The following PAPLN variants were observed in gnomAD, a reference collection of about 807,000 sequenced individuals.
PAPLN encodes papilin, proteoglycan like sulfated glycoprotein.
PAPLN carries 146 observed loss-of-function variants against 159.0 expected under a neutral mutation model. The observed-to-expected ratio is 0.92, with a 90% CI of 0.80 to 1.05. The LOEUF (loss-of-function observed/expected upper bound fraction) is 1.05, where lower values mean the gene tolerates loss of function less well. Ranked by LOEUF, PAPLN falls within the 50% of genes least tolerant of loss-of-function variation. The pLI, the probability that PAPLN is intolerant of heterozygous loss-of-function variation, is 0.00. For synonymous variants in PAPLN, 734 were observed against 702.9 expected, an observed-to-expected ratio of 1.04 and a Z score of -0.70; for missense variants, 1,720 against 1,743.9, an observed-to-expected ratio of 0.99 and a Z score of 0.24.
At chr14:73,239,925 G>T in intron 2 of PAPLN, 93 bp downstream of exon 2, 1 of 1,463,168 alleles carries the variant, frequency 6.8e-7, no homozygotes, top group Non-Finnish European at 9.0e-7. Context: ...CCAGGAAAGG[G>T]GCGATGTCAG....
Position 73,250,953 on chromosome 14 carries a change from A to G in PAPLN, c.512A>G (p.Lys171Arg), listed in dbSNP as rs1885181251. The change falls in exon 7 of 27, where the codon AAG becomes AGG. Residue 171 changes from lysine (K) to arginine (R), a missense_variant. Coordinates refer to ENST00000644200, the MANE Select transcript of PAPLN (RefSeq NM_001365906.3). The part of the protein sequence containing the change: ...HELDSSKQED[K>R]CLRCGGDGTT... ...CTGGACTCGTCCAAGCAGGAGGACAAGTGTCTGCGGTGTGGGGGTGACGGC... is the reference window on the plus strand; with the variant it reads ...CTGGACTCGTCCAAGCAGGAGGACAGGTGTCTGCGGTGTGGGGGTGACGGC... The G allele has an allele frequency of 1.9e-6, 3 of 1,613,658 alleles. No individual in the cohort carries two copies. Among genetic ancestry groups the G allele is most frequent in the African/African-American group, 1.3e-5 (1 of 74,934 alleles).
At chr14:73,256,548 A>AG (rs1280288813) in intron 14 of PAPLN, among the ~76,000 whole-genome samples, 1 of 151,660 alleles carries the variant, frequency 6.6e-6, no homozygotes, top group African/African-American at 2.4e-5. Context: ...AAAAAAAAAA[A>AG]AAAGAAATAG....
chr14:73,252,883 AG>A, intron 11 of PAPLN, 108 bp downstream of exon 11: 1 of 1,508,254 alleles, frequency 6.6e-7, no homozygotes, highest in Admixed American at 1.9e-5. Context: ...GTGGGGGTCC[AG>A]GGCCCCCCAC....
intron 26 of PAPLN, among the ~76,000 whole-genome samples, chr14:73,271,504 T>A (rs991391416): frequency 4.9e-4 from 52 of 106,188 alleles, no homozygotes; most frequent in African/African-American, 1.9e-3. Flanking sequence ...TAGAATGAAA[T>A]TTTTTTTTTT....
chr14:73,246,279 T>TATA, intron 5 of PAPLN, 104 bp downstream of exon 5: 2 of 958,760 alleles, frequency 2.1e-6, no homozygotes, highest in Non-Finnish European at 2.9e-6. Context: ...TATATATATA[T>TATA]TAGAGACAGT....
chr14:73,253,252 G>A lies in PAPLN; in HGVS notation c.1094+477G>A, dbSNP rs777335677. 4.3e-5 allele frequency: 58 copies of A among 1,356,794 alleles called. 1 individual carries two copies. Among genetic ancestry groups the A allele is most frequent in the Middle Eastern group, 2.1e-4 (1 of 4,814 alleles). The allele number at this position is 1,356,794 out of a possible 1,614,324, so 84.0% of individuals were successfully genotyped here. On this transcript the variant is annotated intron_variant, in intron 11 of 26. Coordinates refer to ENST00000644200, the MANE Select transcript of PAPLN (RefSeq NM_001365906.3). ...GTAACCTGCAGGTCACAGGCTCCCC[G>A]CAGGGCTGGTGCCACCCTGTCACCG...
chr14:73,236,628 CCA>C (rs1883045260), upstream of PAPLN, among the ~76,000 whole-genome samples: 1 of 151,996 alleles, frequency 6.6e-6, no homozygotes, highest in East Asian at 1.9e-4. Context: ...ACCAGTCTGG[CCA>C]ACAAGGTGAA....
In PAPLN at chr14:73,245,983, C is replaced by CTCCTGGGCT. The variant is rs963713663; in HGVS notation, c.232-89_232-81dup. On this transcript the variant is annotated intron_variant, in intron 4 of 26. Coordinates refer to ENST00000644200, the MANE Select transcript of PAPLN (RefSeq NM_001365906.3). This position sits in a 1 kb window ranked among gnomAD's most constrained non-coding sequence, Gnocchi z 4.2. The stretch of plus-strand genomic sequence containing the variant: ...GCTCCGATGGGGCAGGCAAGGGAGA[C>CTCCTGGGCT]TCCTGGGCTCCCTGGGCTCGGGCGG... 5.5e-5 allele frequency: 73 copies of CTCCTGGGCT among 1,321,456 alleles called. No homozygotes were observed. The highest frequency in any genetic ancestry group is 2.6e-4 in the Middle Eastern group (1 of 3,860). The allele number at this position is 1,321,456 out of a possible 1,614,324, so 81.9% of individuals were successfully genotyped here. A position where few individuals can be genotyped will look rare whatever the true frequency, so the allele number is the denominator to read the frequency against.
chr14:73,267,378 G>A (rs1887330460), intron 25 of PAPLN, among the ~76,000 whole-genome samples: 1 of 152,194 alleles, frequency 6.6e-6, no homozygotes, highest in African/African-American at 2.4e-5. Flanking sequence ...TCAGGACTAG[G>A]CTAGGTTCTG....
intron 21 of PAPLN, 107 bp from the exon 22 acceptor site, chr14:73,264,481 C>T (rs1887005152): frequency 6.6e-7 from 1 of 1,519,718 alleles, no homozygotes; most frequent in South Asian, 1.3e-5. Context: ...AGGGACCACC[C>T]TGTGGCCCTC....
At chr14:73,236,594 A>G (rs957854311), upstream of PAPLN, among the ~76,000 whole-genome samples, 2 of 152,152 alleles carry the variant, frequency 1.3e-5, no homozygotes, top group Non-Finnish European at 2.9e-5. Context: ...AGGTGGGTGG[A>G]TCACCTGAAG....
chr14:73,273,353 CGA>C lies in PAPLN; in HGVS notation c.*690_*691del. The C allele has an allele frequency of 6.6e-6, 1 of 151,692 alleles. No individual in the cohort carries two copies. The highest frequency in any genetic ancestry group is 1.5e-5 in the Non-Finnish European group (1 of 68,002). The allele number at this position is 151,692 out of a possible 1,614,324, so 9.4% of individuals were successfully genotyped here. ...TTGCCCAGGCTGGAGTACAATGGTG[CGA>C]TCTTGGCTCACTGCAACCTCCACCT... On this transcript the variant is annotated 3_prime_UTR_variant, in exon 27 of 27. Coordinates refer to ENST00000644200, the MANE Select transcript of PAPLN (RefSeq NM_001365906.3).
chr14:73,270,959 G>A (rs748811566), intron 26 of PAPLN, among the ~76,000 whole-genome samples: 1 of 152,214 alleles, frequency 6.6e-6, no homozygotes, highest in Non-Finnish European at 1.5e-5. Flanking sequence ...GGGTGGTCAG[G>A]CTGAGGTAAA....
chr14:73,253,576 C>T (rs1885548963), intron 11 of PAPLN, among the ~76,000 whole-genome samples, 178 bp from the exon 12 acceptor site: 1 of 152,130 alleles, frequency 6.6e-6, no homozygotes, highest in Non-Finnish European at 1.5e-5. Flanking sequence ...AGAGCCAGGC[C>T]CGGTGGTGGG....
chr14:73,256,532 CA>C lies in PAPLN; in HGVS notation c.1627+1533del, dbSNP rs57667060. ...GAGCAACAAGAGTGAGACTCTGTCT[CA>C]AAAAAAAAAAAAAAAAAAGAAATAG... On this transcript the variant is annotated intron_variant, in intron 14 of 26. Coordinates refer to ENST00000644200, the MANE Select transcript of PAPLN (RefSeq NM_001365906.3). 6.8e-3 allele frequency among the ~76,000 whole-genome samples: 631 copies of C among 92,710 alleles called. 2 individuals carry two copies. Among genetic ancestry groups the C allele is most frequent in the African/African-American group, 6.4e-3 (155 of 24,146 alleles). The allele number at this position is 92,710 out of a possible 152,430, so 60.8% of individuals were successfully genotyped here. A position where few individuals can be genotyped will look rare whatever the true frequency, so the allele number is the denominator to read the frequency against.
intron 5 of PAPLN, among the ~76,000 whole-genome samples, chr14:73,246,536 CTT>C (rs777579710): frequency 4.5e-4 from 67 of 149,750 alleles, no homozygotes; most frequent in Admixed American, 8.7e-4. Context: ...AGAGGTCTCT[CTT>C]TTTCTTTATC....
At chr14:73,252,968 G>A (rs1885467264) in intron 11 of PAPLN, among the ~76,000 whole-genome samples, 193 bp downstream of exon 11, 1 of 152,202 alleles carries the variant, frequency 6.6e-6, no homozygotes, top group South Asian at 2.1e-4. Context: ...CCCGGGGCTG[G>A]TCTCTCTGCT....
intron 5 of PAPLN, among the ~76,000 whole-genome samples, chr14:73,248,242 A>G (rs1378793442): frequency 2.7e-5 from 3 of 109,370 alleles, no homozygotes; most frequent in South Asian, 6.1e-4. Flanking sequence ...GGAGTCTCAT[A>G]TCCTCTATGT....
At chr14:73,248,936 G>C (rs1462632884) in intron 5 of PAPLN, among the ~76,000 whole-genome samples, 1 of 152,146 alleles carries the variant, frequency 6.6e-6, no homozygotes, top group Non-Finnish European at 1.5e-5. Flanking sequence ...TTTGAAACCA[G>C]CCTGGGTATC....
Sources: gnomAD v4.1 joint callset for allele counts (sites outside exome capture counted in the v4.1 genomes callset) on GRCh38, gnomAD v4.1.1 for gene constraint, Gnocchi (gnomAD v3.1) non-coding constraint, MANE v1.5 for transcripts, NCBI Gene and HGNC (gene_info 2026-07-23, HGNC 2026-07-21) for gene names.